The following ARSG variants were observed in gnomAD, a reference collection of about 807,000 sequenced individuals.
ARSG encodes the protein arylsulfatase G.
A neutral mutation model predicts 50.5 loss-of-function variants in ARSG; 37 were observed. The observed-to-expected ratio is 0.73, with a 90% CI of 0.56 to 0.96. The LOEUF is 0.96. ARSG is among the 50% of genes least tolerant of loss of function. The pLI is 0.00. For synonymous variants in ARSG, 225 were observed against 254.6 expected (o/e 0.88, Z 1.11); for missense variants, 629 against 675.3 (o/e 0.93, Z 0.76).
At chr17:68,354,988 C>T (rs2146457336) in intron 5 of ARSG, among the ~76,000 whole-genome samples, 1 of 152,280 alleles carries the variant, frequency 6.6e-6, no homozygotes, top group East Asian at 1.9e-4. Flanking sequence ...TTGATTTCTT[C>T]ACAAATCCTT....
chr17:68,276,491 C>T (rs1302986882), intron 1 of ARSG, among the ~76,000 whole-genome samples: 1 of 152,086 alleles, frequency 6.6e-6, no homozygotes, highest in Non-Finnish European at 1.5e-5. Flanking sequence ...CTCTGTTGCC[C>T]AGGCTGGAAT....
At chr17:68,278,196 A>G in intron 1 of ARSG, 1 of 1,614,066 alleles carries the variant, frequency 6.2e-7, no homozygotes. Flanking sequence ...AAATGTCTTG[A>G]TGATGCCGTA....
Position 68,420,427 on chromosome 17 carries a change from TC to T in ARSG, c.1545del (p.Tyr516ThrfsTer25), listed in dbSNP as rs2147614107. The T allele has an allele frequency of 6.2e-7, 1 of 1,614,156 alleles. No homozygotes were observed. Among genetic ancestry groups the T allele is most frequent in the Non-Finnish European group, 8.5e-7 (1 of 1,180,020 alleles). ...ACCCTTCAGTAACTCCCTGCTGTAATCCCTACCAAATTGCCTGCCGCTGTCA... is the reference window on the plus strand; with the variant it reads ...ACCCTTCAGTAACTCCCTGCTGTAATCCTACCAAATTGCCTGCCGCTGTCA... ...QDPSVTPCCN[P>X]YQIACRCQAA On this transcript the variant is annotated frameshift_variant, in exon 12 of 12. Transcript: ENST00000621439. LOFTEE classifies it low-confidence loss of function (END_TRUNC).
intron 2 of ARSG, among the ~76,000 whole-genome samples, chr17:68,327,346 C>A (rs571613374): frequency 6.6e-6 from 1 of 152,284 alleles, no homozygotes; most frequent in South Asian, 2.1e-4. Flanking sequence ...AATATATTAT[C>A]TTACAATGCT....
chr17:68,342,218 G>A (rs927154035), intron 2 of ARSG, among the ~76,000 whole-genome samples: 2 of 151,976 alleles, frequency 1.3e-5, no homozygotes, highest in African/African-American at 4.8e-5. Flanking sequence ...GGAAAATATG[G>A]AGTTAGCTTC....
At chr17:68,449,700 G>C in the ARSG span, among the ~76,000 whole-genome samples, 2 of 152,168 alleles carry the variant, frequency 1.3e-5, no homozygotes, top group Non-Finnish European at 2.9e-5. Flanking sequence ...AGCTCCCTGA[G>C]CCCTCCCCAG....
Position 68,395,072 on chromosome 17 carries a change from G to A in ARSG, c.1092-1G>A. On this transcript the variant is annotated splice_acceptor_variant, in intron 9 of 11. Transcript: ENST00000621439. LOFTEE classifies it high-confidence loss of function. ...ACAACTCAGTCTTGTTATTTCCGCA[G>A]CGTGCTGGACATTTTTCCAACTGTG... is the stretch of plus-strand genomic sequence containing the variant. 1 of 1,613,892 alleles carries A rather than the reference G, an allele frequency of 6.2e-7. No homozygotes were observed. Among genetic ancestry groups the A allele is most frequent in the East Asian group, 2.2e-5 (1 of 44,868 alleles).
At chr17:68,448,574 A>C in the ARSG span, 8 of 152,278 alleles carry the variant, frequency 5.3e-5, no homozygotes, top group East Asian at 1.5e-3. Flanking sequence ...CGGACACTCA[A>C]ATAGGCCTTC....
intron 11 of ARSG, among the ~76,000 whole-genome samples, chr17:68,402,185 G>A (rs929566050): frequency 6.6e-6 from 1 of 152,086 alleles, no homozygotes. Flanking sequence ...ATGCATGCCC[G>A]TCATTTAGGT....
the ARSG span, among the ~76,000 whole-genome samples, chr17:68,437,400 C>T: frequency 1.3e-5 from 2 of 151,802 alleles, no homozygotes; most frequent in African/African-American, 4.8e-5. Context: ...ATTAAAAATA[C>T]AAAAATTAGT....
chr17:68,430,301 G>T, the ARSG span: 1 of 779,548 alleles, frequency 1.3e-6, no homozygotes, highest in Non-Finnish European at 2.0e-6. Context: ...TGCCCACTGA[G>T]AACAATCCAG....
chr17:68,356,835 C>CCCCCTGCCTCCACCTA (rs2079056792), intron 6 of ARSG, 31 bp downstream of exon 6: 3 of 1,613,100 alleles, frequency 1.9e-6, no homozygotes, highest in Admixed American at 1.7e-5. Context: ...CGCAGGGCCT[C>CCCCCTGCCTCCACCTA]CCCCTGCCTC....
chr17:68,424,925 G>A (rs766499346), downstream of ARSG, among the ~76,000 whole-genome samples: 4 of 152,212 alleles, frequency 2.6e-5, no homozygotes, highest in Non-Finnish European at 4.4e-5. Context: ...ATGATTTCAG[G>A]TTGACTATCT....
chr17:68,395,029 G>C (rs577480313), intron 9 of ARSG, 44 bp from the exon 10 acceptor site: 2 of 1,609,342 alleles, frequency 1.2e-6, no homozygotes, highest in Admixed American at 3.3e-5. Context: ...GTCAGGGAGC[G>C]AGTCAGAAGA....
At chr17:68,302,166 A>C (rs1377056842) in intron 1 of ARSG, among the ~76,000 whole-genome samples, 1 of 152,146 alleles carries the variant, frequency 6.6e-6, no homozygotes, top group Non-Finnish European at 1.5e-5. Context: ...TTCCGACAAC[A>C]CGTGAGCAGC....
intron 11 of ARSG, among the ~76,000 whole-genome samples, chr17:68,411,303 C>T (rs901696420): frequency 4.6e-5 from 7 of 152,192 alleles, no homozygotes; most frequent in African/African-American, 1.7e-4. Flanking sequence ...GAATGCATCC[C>T]AGAGATTCTG....
intron 1 of ARSG, among the ~76,000 whole-genome samples, chr17:68,265,751 T>G (rs747246332): frequency 1.0e-4 from 13 of 125,032 alleles, no homozygotes; most frequent in Non-Finnish European, 1.5e-4. Flanking sequence ...ATAGTGTGTG[T>G]TGTTTTTTTT....
intron 2 of ARSG, among the ~76,000 whole-genome samples, chr17:68,320,365 A>G (rs1045786323): frequency 3.9e-5 from 6 of 152,096 alleles, no homozygotes; most frequent in Non-Finnish European, 8.8e-5. Flanking sequence ...TCAAGAGGTC[A>G]TGAGTAAAGA....
intron 1 of ARSG, among the ~76,000 whole-genome samples, chr17:68,303,522 C>T (rs2076497710): frequency 6.6e-6 from 1 of 152,166 alleles, no homozygotes; most frequent in South Asian, 2.1e-4. Context: ...AATCTCAGCT[C>T]ACTGCAACCC....
Sources: gnomAD v4.1 joint callset for allele counts (sites outside exome capture counted in the v4.1 genomes callset) on GRCh38, gnomAD v4.1.1 for gene constraint, MANE v1.5 for transcripts, NCBI Gene and HGNC (gene_info 2026-07-23, HGNC 2026-07-21) for gene names.